The following SPTA1 variants were observed in gnomAD, a reference collection of about 807,000 sequenced individuals.
SPTA1 encodes spectrin alpha chain, erythrocytic 1.
Under a neutral mutation model 324.7 loss-of-function variants are expected in SPTA1, and 177 were observed. The observed-to-expected ratio is 0.55, with a 90% CI of 0.48 to 0.62. The LOEUF (loss-of-function observed/expected upper bound fraction) is 0.62, where lower values mean the gene tolerates loss of function less well. Ranked by LOEUF, SPTA1 falls within the 20% of genes least tolerant of loss-of-function variation. The pLI, the probability that SPTA1 is intolerant of heterozygous loss-of-function variation, is 0.00. For synonymous variants in SPTA1, 1,195 were observed against 1,041.3 expected (o/e 1.15, Z -2.84); for missense variants, 3,162 against 2,883.6 (o/e 1.10, Z -2.21).
intron 18 of SPTA1, among the ~76,000 whole-genome samples, chr1:158,661,046 C>T (rs949657475): frequency 2.6e-5 from 4 of 152,138 alleles, no homozygotes; most frequent in Admixed American, 2.6e-4. Context: ...AGGATAAAGA[C>T]ATTTTACTTT....
rs3039789 is a variant in SPTA1, at chr1:158,668,075, GAAAA to G, written c.1834-17_1834-14del. On this transcript the variant is annotated splice_polypyrimidine_tract_variant and intron_variant, in intron 14 of 51. Coordinates refer to ENST00000643759, the MANE Select transcript of SPTA1 (RefSeq NM_003126.4). ...AGTTCTGTATGTCCTGAGATAAGAT[GAAAA>G]AAAAAAAAAAAACCATTACCTGAAG... 7.2e-3 allele frequency: 10,424 copies of G among 1,455,194 alleles called. 32 individuals are homozygous for G. Among genetic ancestry groups the G allele is most frequent in the African/African-American group, 0.035 (2,410 of 68,124 alleles). The allele number at this position is 1,455,194 out of a possible 1,614,324, so 90.1% of individuals were successfully genotyped here.
rs560941981 is a variant in SPTA1 at position 158,642,340 on chromosome 1, T to TAA, written c.4737+69_4737+70dup. Reference sequence around the variant, plus strand: ...TAAAATTAAAAAAAATACAATAAATTAAAAAAAAAGAAAGAGTAAATGATT... The same window carrying TAA: ...TAAAATTAAAAAAAATACAATAAATTAAAAAAAAAAAGAAAGAGTAAATGATT... On this transcript the variant is annotated intron_variant, in intron 33 of 51. Coordinates refer to ENST00000643759, the MANE Select transcript of SPTA1 (RefSeq NM_003126.4). 1.7e-4 allele frequency: 245 copies of TAA among 1,460,692 alleles called. No individual in the cohort carries two copies. The African/African-American group carries it at 3.0e-3, about 18-fold the overall frequency. The allele number at this position is 1,460,692 out of a possible 1,614,324, so 90.5% of individuals were successfully genotyped here.
chr1:158,613,444 C>T (rs1041413552), intron 50 of SPTA1, among the ~76,000 whole-genome samples: 1 of 152,114 alleles, frequency 6.6e-6, no homozygotes, highest in African/African-American at 2.4e-5. Context: ...GGATTCTTCT[C>T]TCTAGTCTCA....
At position 158,611,080 on chromosome 1, in the gene SPTA1, C is replaced by A; in HGVS notation, c.*184G>T. 4 of 806,704 alleles carry A rather than the reference C, an allele frequency of 5.0e-6. No individual in the cohort carries two copies. The South Asian group carries it at 6.7e-5, about 14-fold the overall frequency. The allele number at this position is 806,704 out of a possible 1,614,324, so 50.0% of individuals were successfully genotyped here. On this transcript the variant is annotated 3_prime_UTR_variant, in exon 52 of 52. Transcript: ENST00000643759. The stretch of plus-strand genomic sequence containing the variant: ...TCTATTAACCTTTCTATCTCCCACC[C>A]TTGAGATTTTTTAAGATCCTACAAT...
At chr1:158,653,999 C>T (rs531259826) in intron 21 of SPTA1, among the ~76,000 whole-genome samples, 19 of 152,138 alleles carry the variant, frequency 1.2e-4, no homozygotes, top group Middle Eastern at 3.2e-3. Flanking sequence ...GATAATGAAA[C>T]ATCTGCCGCT....
chr1:158,641,467 AAAAC>A (rs1394957135), intron 33 of SPTA1, among the ~76,000 whole-genome samples: 2 of 152,212 alleles, frequency 1.3e-5, no homozygotes, highest in African/African-American at 2.4e-5. Context: ...TTACAAGAAA[AAAAC>A]AAACAACCCC....
rs1333873321 is a variant in SPTA1 at position 158,674,570 on chromosome 1, T to A, written c.1218A>T (p.Glu406Asp). The change falls in exon 9 of 52, where the codon GAA (glutamate) becomes GAT (aspartate). Residue 406 changes from glutamate to aspartate, a missense_variant. Glu to Asp is a conservative substitution (Grantham distance 45, BLOSUM62 2). Coordinates refer to ENST00000643759, the MANE Select transcript of SPTA1 (RefSeq NM_003126.4). Reference protein sequence around the residue: ...DELPTDVAGGEVLLDRHQQHK... With the variant: ...DELPTDVAGGDVLLDRHQQHK... ...GCTGCTGATGCCTGTCCAGCAGAACTTCTCCACCAGCCACATCTGTTGGCA... is the reference window on the plus strand; with the variant it reads ...GCTGCTGATGCCTGTCCAGCAGAACATCTCCACCAGCCACATCTGTTGGCA... 2 of 1,614,132 alleles carry A rather than the reference T, an allele frequency of 1.2e-6. No individual in the cohort carries two copies. The highest frequency in any genetic ancestry group is 2.7e-5 in the African/African-American group (2 of 75,060).
At chr1:158,634,460 A>G (rs569016564) in intron 39 of SPTA1, 83 bp downstream of exon 39, 1 of 1,566,136 alleles carries the variant, frequency 6.4e-7, no homozygotes, top group Non-Finnish European at 8.7e-7. Flanking sequence ...AAATGTCCTA[A>G]TATTACAGGT....
At position 158,662,769 on chromosome 1, in the gene SPTA1, A is replaced by G. The variant is rs1378870037; in HGVS notation, c.2397T>C (p.Cys799=). The change falls in exon 17 of 52, where the codon TGT becomes TGC. Residue 799 remains cysteine, a synonymous_variant. Transcript: ENST00000643759. Reference sequence around the variant, plus strand: ...AGGCCTCCTCATCCTCTGTGTCTCTACAAATCAGCTGCAGATGGAGAAGGT... The same window carrying G: ...AGGCCTCCTCATCCTCTGTGTCTCTGCAAATCAGCTGCAGATGGAGAAGGT... ...LLDLLHLQLI[C]RDTEDEEAWI... is the part of the protein sequence containing the mutation. 1 of 1,614,012 alleles carries G rather than the reference A, an allele frequency of 6.2e-7. No homozygotes were observed. The highest frequency in any genetic ancestry group is 8.5e-7 in the Non-Finnish European group (1 of 1,179,974).
intron 30 of SPTA1, 91 bp downstream of exon 30, chr1:158,644,162 G>A (rs1175056833): frequency 1.3e-6 from 2 of 1,484,398 alleles, no homozygotes; most frequent in African/African-American, 2.8e-5. Flanking sequence ...AAATCAAAAT[G>A]TTTATAAATT....
chr1:158,642,538 T>C lies in SPTA1; in HGVS notation c.4610A>G (p.Lys1537Arg), dbSNP rs1557947912. Residue 1537 changes from lysine (K) to arginine (R), a missense_variant, in exon 33 of 52, where the codon AAA becomes AGA. Lys to Arg is a conservative substitution (Grantham distance 26). Coordinates refer to ENST00000643759, the MANE Select transcript of SPTA1 (RefSeq NM_003126.4). Reference sequence around the variant, plus strand: ...TGCAAAGGTCTGGTGTTTCAGGTATTTCCTCTGAAGGGAAAATGAAACAGA... The same window carrying C: ...TGCAAAGGTCTGGTGTTTCAGGTATCTCCTCTGAAGGGAAAATGAAACAGA... ...SYKDATNIQR[K>R]YLKHQTFAHE... 1.2e-6 allele frequency: 2 copies of C among 1,613,546 alleles called. No homozygotes were observed. The highest frequency in any genetic ancestry group is 1.7e-6 in the Non-Finnish European group (2 of 1,179,648).
chr1:158,622,628 C>T (rs1047446997), intron 43 of SPTA1: 1 of 288,382 alleles, frequency 3.5e-6, no homozygotes, highest in Non-Finnish European at 6.7e-6. Context: ...GACAACTTGT[C>T]CAGTGCTCCT....
chr1:158,619,456 G>GCACA, intron 44 of SPTA1, 122 bp from the exon 45 acceptor site: 1 of 917,704 alleles, frequency 1.1e-6, no homozygotes, highest in Non-Finnish European at 1.8e-6. Flanking sequence ...TCTTCCACAG[G>GCACA]TATGTGCCTG....
Position 158,638,236 on chromosome 1 carries a change from T to A in SPTA1, c.4986A>T (p.Ala1662=), listed in dbSNP as rs762908352. 2 of 1,611,778 alleles carry A rather than the reference T, an allele frequency of 1.2e-6. No individual in the cohort carries two copies. Among genetic ancestry groups the A allele is most frequent in the Admixed American group, 3.3e-5 (2 of 59,914 alleles). The change falls in exon 36 of 52, where the codon GCA becomes GCT. Residue 1662 remains alanine (A), a synonymous_variant. Transcript: ENST00000643759. ...LEREMLARED[A]LKDLNTLAED... is the part of the protein sequence containing the mutation. ...CAGCCAATGTATTCAGGTCCTTGAG[T>A]GCATCCTAGAAAGTCTCGGGATACT...
At chr1:158,612,505 C>A in intron 51 of SPTA1, 2 of 376,542 alleles carry the variant, frequency 5.3e-6, no homozygotes, top group Non-Finnish European at 5.1e-6. Context: ...GTTTGCACTC[C>A]TCATGCCTGG....
At chr1:158,652,822 T>TG (rs1482300110) in intron 22 of SPTA1, among the ~76,000 whole-genome samples, 169 bp from the exon 23 acceptor site, 2 of 152,040 alleles carry the variant, frequency 1.3e-5, no homozygotes, top group Admixed American at 1.3e-4. Flanking sequence ...AAAACAGCCT[T>TG]GGGGGCAAAA....
intron 15 of SPTA1, among the ~76,000 whole-genome samples, chr1:158,667,283 T>G (rs1653678450): frequency 1.3e-5 from 2 of 152,184 alleles, no homozygotes; most frequent in African/African-American, 4.8e-5. Flanking sequence ...TTACTAAAAA[T>G]TGATTAATTT....
intron 16 of SPTA1, 57 bp downstream of exon 16, chr1:158,666,259 T>G: frequency 1.9e-6 from 3 of 1,574,168 alleles, no homozygotes; most frequent in Non-Finnish European, 2.6e-6. Flanking sequence ...TAATAACGAG[T>G]GTGCTCAGAG....
intron 43 of SPTA1, chr1:158,620,781 TTA>T (rs1174732929): frequency 8.2e-6 from 2 of 244,502 alleles, no homozygotes; most frequent in African/African-American, 4.7e-5. Context: ...TAGTTTTCAA[TTA>T]TATGATTTCT....
Sources: gnomAD v4.1 joint callset for allele counts (sites outside exome capture counted in the v4.1 genomes callset) on GRCh38, gnomAD v4.1.1 for gene constraint, MANE v1.5 for transcripts, NCBI Gene and HGNC (gene_info 2026-07-23, HGNC 2026-07-21) for gene names.